The following PDE3B variants were observed in gnomAD, a reference collection of about 807,000 sequenced individuals.
PDE3B encodes the protein phosphodiesterase 3B.
A neutral mutation model predicts 116.8 loss-of-function variants in PDE3B; 66 were observed. The observed-to-expected ratio is 0.56, with a 90% CI of 0.46 to 0.69. The LOEUF (loss-of-function observed/expected upper bound fraction) is 0.69. Among genes scored for constraint, PDE3B ranks in the 30% least tolerant of loss-of-function variants. PDE3B has a pLI of 0.00. For missense variants in PDE3B, 1,384 were observed against 1,368.1 expected, an observed-to-expected ratio of 1.01 and a Z score of -0.18; for synonymous variants, 595 against 533.6, an observed-to-expected ratio of 1.12 and a Z score of -1.59.
chr11:14,776,718 A>T (rs1377463045), intron 2 of PDE3B: 1 of 151,970 alleles, frequency 6.6e-6, no homozygotes, highest in Non-Finnish European at 1.5e-5. Context: ...AATGCTTTGA[A>T]AATTGTCATC....
chr11:14,801,115 A>G (rs1858748910), intron 4 of PDE3B, among the ~76,000 whole-genome samples: 1 of 151,974 alleles, frequency 6.6e-6, no homozygotes. Context: ...TTTAGCTCGG[A>G]TTAGTTTGTT....
intron 1 of PDE3B, among the ~76,000 whole-genome samples, chr11:14,752,918 A>G (rs1039947176): frequency 1.3e-5 from 2 of 151,944 alleles, no homozygotes; most frequent in East Asian, 3.8e-4. Context: ...TTTCTAAACT[A>G]TCTACTGTTT....
At chr11:14,840,728 T>C (rs1461319049) in intron 11 of PDE3B, among the ~76,000 whole-genome samples, 3 of 152,176 alleles carry the variant, frequency 2.0e-5, no homozygotes, top group African/African-American at 7.2e-5. Flanking sequence ...ATCCTTCCAG[T>C]GAGCAGGTCA....
In PDE3B at chr11:14,819,196, C is replaced by G. The variant is rs1250103383; in HGVS notation, c.1794C>G (p.Cys598Trp). Residue 598 changes from cysteine (C) to tryptophan (W), a missense_variant, in exon 7 of 16, where the codon TGC becomes TGG. By Grantham distance (215) the Cys-to-Trp change is radical. Transcript: ENST00000282096. ...STSESDGTDC[C>W]SGKSGEEENI... is the part of the protein sequence containing the mutation. ...CTGAATCAGATGGTACAGATTGCTG[C>G]AGTGGAAAATCAGGTGAGATTACAA... is the stretch of plus-strand genomic sequence containing the variant. 6.3e-7 allele frequency: 1 copy of G among 1,585,136 alleles called. No individual in the cohort carries two copies. The highest frequency in any genetic ancestry group is 8.6e-7 in the Non-Finnish European group (1 of 1,160,110).
intron 1 of PDE3B, among the ~76,000 whole-genome samples, chr11:14,701,802 T>TA (rs1855369786): frequency 6.6e-6 from 1 of 151,544 alleles, no homozygotes; most frequent in African/African-American, 2.4e-5. Flanking sequence ...TTTTTTTTTT[T>TA]AAAGCATCCA....
rs1859114929 is a variant in PDE3B, at chr11:14,811,166, AGT to A, written c.1523-7016_1523-7015del. On this transcript the variant is annotated intron_variant, in intron 5 of 15. Coordinates refer to ENST00000282096, the MANE Select transcript of PDE3B (RefSeq NM_000922.4). ...TTCTTTTGCTGTGCAGAAGCTCTTGAGTTTAATTAGATCCCATTTGTCAATTT... is the reference window on the plus strand; with the variant it reads ...TTCTTTTGCTGTGCAGAAGCTCTTGATTAATTAGATCCCATTTGTCAATTT... 2.6e-5 allele frequency among the ~76,000 whole-genome samples: 4 copies of A among 151,688 alleles called. No homozygotes were observed. In the South Asian group the frequency reaches 6.2e-4, roughly 24 times the overall value.
intron 12 of PDE3B, 39 bp from the exon 13 acceptor site, chr11:14,859,004 T>G (rs1847898498): frequency 4.9e-6 from 7 of 1,421,462 alleles, no homozygotes; most frequent in Non-Finnish European, 6.9e-6. Context: ...CTTTAATATC[T>G]TTGAGGTGTC....
the PDE3B span, chr11:14,880,188 G>A: frequency 6.2e-7 from 1 of 1,612,806 alleles, no homozygotes; most frequent in East Asian, 2.2e-5. Flanking sequence ...GTAGCACATT[G>A]GTTGTAGTTT....
intron 7 of PDE3B, 47 bp downstream of exon 7, chr11:14,819,256 T>G: frequency 2.1e-5 from 23 of 1,078,396 alleles, no homozygotes; most frequent in Non-Finnish European, 3.0e-5. Context: ...AGAAATTTCT[T>G]ACAATGATTT....
At chr11:14,655,895 G>A (rs1414349757) in intron 1 of PDE3B, among the ~76,000 whole-genome samples, 2 of 152,158 alleles carry the variant, frequency 1.3e-5, no homozygotes, top group Admixed American at 1.3e-4. Context: ...TTGGTTGAGA[G>A]TAATGTATGG....
intron 1 of PDE3B, among the ~76,000 whole-genome samples, chr11:14,717,869 G>A (rs1349979932): frequency 1.4e-3 from 188 of 135,720 alleles, no homozygotes; most frequent in African/African-American, 4.7e-3. Context: ...CAACTAATGA[G>A]CAAAATCACC....
chr11:14,789,036 C>A, intron 3 of PDE3B, 70 bp from the exon 4 acceptor site: 1 of 1,032,074 alleles, frequency 9.7e-7, no homozygotes. Flanking sequence ...CTTTCATGTG[C>A]CATCACTAAT....
intron 1 of PDE3B, among the ~76,000 whole-genome samples, chr11:14,675,464 G>A (rs1393261491): frequency 1.3e-5 from 2 of 152,012 alleles, no homozygotes; most frequent in African/African-American, 4.8e-5. Context: ...ATACACTTAT[G>A]TAATCATGAA....
chr11:14,803,196 A>G (rs911436437), intron 4 of PDE3B, among the ~76,000 whole-genome samples: 3 of 119,846 alleles, frequency 2.5e-5, no homozygotes, highest in African/African-American at 1.2e-4. Context: ...CTGAGGTCCC[A>G]AAATCACATT....
At chr11:14,807,006 A>G (rs1459078802) in intron 5 of PDE3B, among the ~76,000 whole-genome samples, 1 of 152,160 alleles carries the variant, frequency 6.6e-6, no homozygotes, top group Non-Finnish European at 1.5e-5. Context: ...CCATCACAAG[A>G]ACAGAAAACT....
intron 1 of PDE3B, among the ~76,000 whole-genome samples, chr11:14,753,089 G>A (rs894774045): frequency 6.6e-6 from 1 of 151,936 alleles, no homozygotes; most frequent in African/African-American, 2.4e-5. Flanking sequence ...TTTCCCCTTT[G>A]TTTCCCTATT....
chr11:14,850,734 A>G lies in PDE3B; in HGVS notation c.2520+6708A>G, dbSNP rs866840485. On this transcript the variant is annotated intron_variant, in intron 12 of 15. Coordinates refer to ENST00000282096, the MANE Select transcript of PDE3B (RefSeq NM_000922.4). The stretch of plus-strand genomic sequence containing the variant: ...AATATAAAATTCCTTTAAGGTCACA[A>G]TTTGCATGAAAGAGGCAAGAGTTCT... 3.3e-5 allele frequency among the ~76,000 whole-genome samples: 5 copies of G among 152,160 alleles called. No individual in the cohort carries two copies. The South Asian group carries it at 6.2e-4, about 19-fold the overall frequency.
chr11:14,850,591 C>T (rs1847725078), intron 12 of PDE3B, among the ~76,000 whole-genome samples: 1 of 151,890 alleles, frequency 6.6e-6, no homozygotes, highest in Non-Finnish European at 1.5e-5. Flanking sequence ...TTTTGTTGTT[C>T]TCTTTTTTCC....
At chr11:14,845,086 C>G (rs1847567214) in intron 12 of PDE3B, among the ~76,000 whole-genome samples, 1 of 152,070 alleles carries the variant, frequency 6.6e-6, no homozygotes, top group Non-Finnish European at 1.5e-5. Flanking sequence ...GGGAGGCACC[C>G]CCTAGTAGGG....
Sources: gnomAD v4.1 joint callset for allele counts (sites outside exome capture counted in the v4.1 genomes callset) on GRCh38, gnomAD v4.1.1 for gene constraint, MANE v1.5 for transcripts, NCBI Gene and HGNC (gene_info 2026-07-23, HGNC 2026-07-21) for gene names.